The following PCDH19 variants were observed in gnomAD, a reference collection of about 807,000 sequenced individuals.
The protein encoded by PCDH19 is protocadherin-19.
PCDH19 carries 6 observed loss-of-function variants against 46.2 expected under a neutral mutation model. The observed-to-expected ratio is 0.13, with a 90% CI of 0.07 to 0.26. The LOEUF (loss-of-function observed/expected upper bound fraction) is 0.26, where lower values mean the gene tolerates loss of function less well. Ranked by LOEUF, PCDH19 falls within the 10% of genes least tolerant of loss-of-function variation. The pLI is 1.00. For synonymous variants in PCDH19, 481 were observed against 415.7 expected (o/e 1.16, Z -1.91); for missense variants, 740 against 972.3 (o/e 0.76, Z 3.18).
At chrX:100,310,872 A>G (rs754865128) in intron 5 of PCDH19, among the ~76,000 whole-genome samples, 2 of 109,893 alleles carry the variant, frequency 1.8e-5, no homozygotes, top group Non-Finnish European at 3.8e-5. Flanking sequence ...ACTTCTTTAG[A>G]GACAAGATCT....
chrX:100,296,619 G>C lies in PCDH19; in HGVS notation c.3105C>G (p.Gly1035=). The C allele has an allele frequency of 8.3e-7, 1 of 1,211,596 alleles. No homozygotes were observed. The highest frequency in any genetic ancestry group is 1.1e-6 in the Non-Finnish European group (1 of 895,420). Residue 1035 remains glycine (G), a synonymous_variant, in exon 6 of 6, where the codon GGC becomes GGG. Coordinates refer to ENST00000373034, the MANE Select transcript of PCDH19 (RefSeq NM_001184880.2). Reference sequence around the variant, plus strand: ...AGATGGTCACATCGACAGTCCTCTTGCCTTTCAGGGTAGGCCTCTCCTCAG... The same window carrying C: ...AGATGGTCACATCGACAGTCCTCTTCCCTTTCAGGGTAGGCCTCTCCTCAG... ...HPAEERPTLK[G]KRTVDVTICS... is the part of the protein sequence containing the mutation.
At chrX:100,357,317 G>T (rs1926746284) in intron 3 of PCDH19, among the ~76,000 whole-genome samples, 1 of 111,707 alleles carries the variant, frequency 9.0e-6, no homozygotes, top group Non-Finnish European at 1.9e-5. Flanking sequence ...GGAGAATTTG[G>T]CCCTCATATG....
chrX:100,379,941 A>G (rs1318046403), intron 3 of PCDH19, among the ~76,000 whole-genome samples: 1 of 111,936 alleles, frequency 8.9e-6, no homozygotes, highest in Non-Finnish European at 1.9e-5. Flanking sequence ...GCCATCGAGC[A>G]GTAACTGGAG....
At chrX:100,384,622 C>T (rs1413222726) in intron 3 of PCDH19, among the ~76,000 whole-genome samples, 1 of 110,473 alleles carries the variant, frequency 9.1e-6, no homozygotes, top group East Asian at 2.8e-4. Context: ...TAGAGATTTT[C>T]CATATCAATA....
At chrX:100,344,693 G>A (rs1926345183) in intron 4 of PCDH19, among the ~76,000 whole-genome samples, 1 of 99,514 alleles carries the variant, frequency 1.0e-5, no homozygotes, top group Admixed American at 1.2e-4. Flanking sequence ...ACATATGATG[G>A]TGAGGGATCT....
At chrX:100,382,998 G>A (rs1927600141) in intron 3 of PCDH19, among the ~76,000 whole-genome samples, 1 of 112,631 alleles carries the variant, frequency 8.9e-6, no homozygotes, top group Admixed American at 9.4e-5. Flanking sequence ...ACAGAATAGA[G>A]GCAAATGAAA....
intron 3 of PCDH19, among the ~76,000 whole-genome samples, chrX:100,390,682 T>C (rs1290443132): frequency 8.9e-6 from 1 of 111,894 alleles, no homozygotes; most frequent in Non-Finnish European, 1.9e-5. Context: ...TCAAATCTAG[T>C]TTAAAAGAAA....
At chrX:100,335,807 T>G (rs1229972282) in intron 5 of PCDH19, among the ~76,000 whole-genome samples, 4 of 111,690 alleles carry the variant, frequency 3.6e-5, no homozygotes, top group Non-Finnish European at 7.5e-5. Flanking sequence ...ATATATCTGT[T>G]CATGGTTTAT....
intron 3 of PCDH19, among the ~76,000 whole-genome samples, chrX:100,355,743 C>T (rs1261843524): frequency 3.6e-5 from 4 of 111,175 alleles, no homozygotes; most frequent in Non-Finnish European, 7.5e-5. Flanking sequence ...TCTCAGGTCC[C>T]TTCTGGATAT....
intron 3 of PCDH19, among the ~76,000 whole-genome samples, chrX:100,384,407 C>A (rs1927649956): frequency 9.0e-6 from 1 of 110,786 alleles, no homozygotes. Context: ...AATTCTCCTT[C>A]CCACCCCTGT....
intron 3 of PCDH19, among the ~76,000 whole-genome samples, chrX:100,361,096 C>T (rs192879672): frequency 8.9e-6 from 1 of 111,850 alleles, no homozygotes; most frequent in East Asian, 2.8e-4. Flanking sequence ...TTACCCTTCA[C>T]AAAGTGGCTA....
intron 3 of PCDH19, among the ~76,000 whole-genome samples, chrX:100,400,214 G>T (rs1024240589): frequency 8.9e-6 from 1 of 111,842 alleles, no homozygotes; most frequent in Non-Finnish European, 1.9e-5. Flanking sequence ...TACTTTGTAG[G>T]ATGTATCTAT....
chrX:100,324,967 T>C (rs1447160179), intron 5 of PCDH19, among the ~76,000 whole-genome samples: 1 of 111,109 alleles, frequency 9.0e-6, no homozygotes, highest in Non-Finnish European at 1.9e-5. Context: ...TTATAGGCTA[T>C]GAATCTGTGG....
intron 3 of PCDH19, among the ~76,000 whole-genome samples, chrX:100,391,872 T>C (rs764435004): frequency 2.7e-5 from 3 of 112,412 alleles, no homozygotes; most frequent in African/African-American, 9.7e-5. Flanking sequence ...ATGGTTATCT[T>C]TGATGATACA....
intron 4 of PCDH19, among the ~76,000 whole-genome samples, chrX:100,349,564 T>A (rs940976810): frequency 2.7e-5 from 3 of 112,384 alleles, no homozygotes; most frequent in Non-Finnish European, 5.6e-5. Flanking sequence ...TGTTTATTCC[T>A]TGAATTCTAC....
intron 3 of PCDH19, among the ~76,000 whole-genome samples, chrX:100,357,707 G>A (rs1055357187): frequency 9.0e-6 from 1 of 111,644 alleles, no homozygotes; most frequent in Non-Finnish European, 1.9e-5. Flanking sequence ...ACGTTCCTTA[G>A]CATTTTCTCA....
chrX:100,394,086 G>C (rs1908048466), intron 3 of PCDH19, among the ~76,000 whole-genome samples: 1 of 111,877 alleles, frequency 8.9e-6, no homozygotes, highest in Admixed American at 9.4e-5. Flanking sequence ...AGAATCGCTT[G>C]AACCCGGGAG....
intron 5 of PCDH19, among the ~76,000 whole-genome samples, chrX:100,307,867 T>C (rs1213432109): frequency 4.5e-5 from 5 of 110,217 alleles, no homozygotes; most frequent in Non-Finnish European, 7.6e-5. Context: ...AAGAAAACTA[T>C]AAAACACTGC....
intron 3 of PCDH19, among the ~76,000 whole-genome samples, chrX:100,363,886 T>TGTGTGTGTGTGTGTGTGTGA (rs1207488480): frequency 2.2e-4 from 22 of 98,044 alleles, no homozygotes; most frequent in African/African-American, 8.2e-4. Flanking sequence ...TGTGTGTGTG[T>TGTGTGTGTGTGTGTGTGTGA]GAGAGAGAGG....
Sources: allele counts gnomAD v4.1 joint callset (sites outside exome capture counted in the v4.1 genomes callset), GRCh38; gene constraint gnomAD v4.1.1; transcripts MANE v1.5; gene names NCBI Gene and HGNC (gene_info 2026-07-23, HGNC 2026-07-21).